The following JAKMIP2 variants were observed in gnomAD, a reference collection of about 807,000 sequenced individuals.
JAKMIP2 encodes janus kinase and microtubule interacting protein 2.
In JAKMIP2, 25 loss-of-function variants were observed where a neutral mutation model predicts 115.0. That is an observed-to-expected ratio of 0.22 (90% CI 0.16 to 0.30). JAKMIP2 has a LOEUF of 0.30. Among genes scored for constraint, JAKMIP2 ranks in the 10% least tolerant of loss-of-function variants. JAKMIP2 has a pLI of 1.00. For missense variants in JAKMIP2, 642 were observed against 957.6 expected, an observed-to-expected ratio of 0.67 and a Z score of 4.35; for synonymous variants, 334 against 343.6, an observed-to-expected ratio of 0.97 and a Z score of 0.31.
intron 2 of JAKMIP2, among the ~76,000 whole-genome samples, chr5:147,670,099 G>T (rs1161619459): frequency 2.0e-5 from 3 of 152,154 alleles, no homozygotes; most frequent in African/African-American, 7.2e-5. Context: ...ATGACATCAT[G>T]TTCCCTTTGG....
At chr5:147,770,701 G>A (rs1338441227) in intron 1 of JAKMIP2, among the ~76,000 whole-genome samples, 1 of 151,910 alleles carries the variant, frequency 6.6e-6, no homozygotes, top group Non-Finnish European at 1.5e-5. Flanking sequence ...GGATCTGGAG[G>A]AAAAGAAAAT....
intron 1 of JAKMIP2, among the ~76,000 whole-genome samples, chr5:147,691,799 G>A (rs1413900778): frequency 2.6e-5 from 4 of 151,990 alleles, no homozygotes; most frequent in Non-Finnish European, 4.4e-5. Context: ...TCATGGGAGG[G>A]GAGTCTGTGC....
chr5:147,671,551 G>A, intron 2 of JAKMIP2, 127 bp downstream of exon 2: 1 of 629,106 alleles, frequency 1.6e-6, no homozygotes, highest in Non-Finnish European at 2.4e-6. Context: ...GTTTACAGGG[G>A]ACGTTGCCCT....
At position 147,702,654 on chromosome 5, in the gene JAKMIP2, AAGAAAGAAAGAGAG is replaced by A. The variant is rs1159191560; in HGVS notation, c.-148-30714_-148-30701del. Among the ~76,000 whole-genome samples, 661 of 102,690 alleles carry A rather than the reference AAGAAAGAAAGAGAG, an allele frequency of 6.4e-3. 20 individuals carry two copies. The highest frequency in any genetic ancestry group is 0.011 in the African/African-American group (249 of 23,060). 67.4% of individuals were successfully genotyped at this position (102,690 alleles called of 152,430 possible). On this transcript the variant is annotated intron_variant, in intron 1 of 21. Transcript: ENST00000616793. ...AAAGAAAGAAAGAAAGAAAGAAAGA[AAGAAAGAAAGAGAG>A]AGAAAGAAAGAGAAAGAAAGAAAAG...
In JAKMIP2 at chr5:147,591,375, G is replaced by T; in HGVS notation, c.*332C>A. The stretch of plus-strand genomic sequence containing the variant: ...GGTTCCATGCCCAAGACACATCTTT[G>T]CTTGATCTGCAGAAACTAGTTCCAT... On this transcript the variant is annotated 3_prime_UTR_variant, in exon 22 of 22. Transcript: ENST00000616793. 2.8e-6 allele frequency: 1 copy of T among 356,936 alleles called. No homozygotes were observed. 22.1% of individuals were successfully genotyped at this position (356,936 alleles called of 1,614,324 possible). A position where few individuals can be genotyped will look rare whatever the true frequency, so the allele number is the denominator to read the frequency against.
At chr5:147,694,303 C>T (rs1280674480) in intron 1 of JAKMIP2, among the ~76,000 whole-genome samples, 13 of 152,088 alleles carry the variant, frequency 8.5e-5, no homozygotes, top group South Asian at 2.1e-4. Flanking sequence ...CAGCAGCTTG[C>T]GCTCTTTTTG....
chr5:147,643,505 C>A (rs963644477), intron 7 of JAKMIP2, among the ~76,000 whole-genome samples: 2 of 152,150 alleles, frequency 1.3e-5, no homozygotes, highest in African/African-American at 4.8e-5. Flanking sequence ...AAACCTCAGC[C>A]AAACTCTGAT....
intron 1 of JAKMIP2, among the ~76,000 whole-genome samples, chr5:147,771,692 A>G (rs985475122): frequency 6.6e-6 from 1 of 152,054 alleles, no homozygotes; most frequent in South Asian, 2.1e-4. Flanking sequence ...ACAAATAAAG[A>G]CTTGGACAGG....
chr5:147,610,437 C>G (rs1001815389), intron 20 of JAKMIP2, among the ~76,000 whole-genome samples: 1 of 152,188 alleles, frequency 6.6e-6, no homozygotes, highest in Non-Finnish European at 1.5e-5. Flanking sequence ...AACAGTCAGG[C>G]CCCTCTGCTG....
chr5:147,606,997 T>C (rs182726889), intron 20 of JAKMIP2, among the ~76,000 whole-genome samples: 3 of 152,204 alleles, frequency 2.0e-5, no homozygotes, highest in Non-Finnish European at 4.4e-5. Flanking sequence ...TGTATAGGAA[T>C]GCTTGTGATT....
rs577806349 is a variant in JAKMIP2, at chr5:147,668,863, C to T, written c.129+2815G>A. ...TGGGACTCTGGCAGGATGAAATGTG[C>T]TTATCAGCCCATGACAGATAGTAAA... is the stretch of plus-strand genomic sequence containing the variant. On this transcript the variant is annotated intron_variant, in intron 2 of 21. Coordinates refer to ENST00000616793, the MANE Select transcript of JAKMIP2 (RefSeq NM_001270941.2). Among the ~76,000 whole-genome samples, 319 of 152,318 alleles carry T rather than the reference C, an allele frequency of 2.1e-3. 2 individuals are homozygous for T. The highest frequency in any genetic ancestry group is 7.2e-3 in the African/African-American group (299 of 41,586).
intron 8 of JAKMIP2, among the ~76,000 whole-genome samples, 156 bp downstream of exon 8, chr5:147,641,552 A>C (rs1434109323): frequency 6.6e-6 from 1 of 152,194 alleles, no homozygotes; most frequent in Non-Finnish European, 1.5e-5. Flanking sequence ...AAGAAATGTC[A>C]ACAGAAAATA....
intron 21 of JAKMIP2, among the ~76,000 whole-genome samples, chr5:147,595,718 C>A (rs1260397160): frequency 6.6e-6 from 1 of 152,082 alleles, no homozygotes; most frequent in Non-Finnish European, 1.5e-5. Context: ...GTTGTACTCT[C>A]CTTCCTTATT....
chr5:147,760,555 A>G (rs544015390), intron 1 of JAKMIP2, among the ~76,000 whole-genome samples: 19 of 152,108 alleles, frequency 1.2e-4, no homozygotes, highest in Non-Finnish European at 1.6e-4. Context: ...GCATCAAGGG[A>G]CATAGTTTGT....
At position 147,661,290 on chromosome 5, in the gene JAKMIP2, C is replaced by A; in HGVS notation, c.285G>T (p.Gln95His). The change falls in exon 3 of 22, where the codon CAG becomes CAT. Residue 95 changes from glutamine to histidine, a missense_variant. Coordinates refer to ENST00000616793, the MANE Select transcript of JAKMIP2 (RefSeq NM_001270941.2). The part of the protein sequence containing the change: ...LQAVRENLIK[Q>H]HEQEMSRTVK... The stretch of plus-strand genomic sequence containing the variant: ...CCGTCCTTGACATTTCCTGCTCGTG[C>A]TGCTTGATAAGGTTCTCCCTCACAG... 6.2e-7 allele frequency: 1 copy of A among 1,613,938 alleles called. No individual in the cohort carries two copies. The highest frequency in any genetic ancestry group is 8.5e-7 in the Non-Finnish European group (1 of 1,180,010).
intron 21 of JAKMIP2, among the ~76,000 whole-genome samples, chr5:147,595,804 G>C (rs1755355212): frequency 6.6e-6 from 1 of 152,014 alleles, no homozygotes; most frequent in South Asian, 2.1e-4. Flanking sequence ...TTATGTGCTA[G>C]GTATTTGGTA....
intron 1 of JAKMIP2, among the ~76,000 whole-genome samples, chr5:147,739,985 G>C (rs531527035): frequency 2.6e-5 from 4 of 152,130 alleles, no homozygotes; most frequent in Non-Finnish European, 4.4e-5. Context: ...AAAGGGTTTT[G>C]GTTCATGTTC....
intron 4 of JAKMIP2, 54 bp downstream of exon 4, chr5:147,650,284 G>A (rs1720117364): frequency 2.7e-6 from 3 of 1,110,338 alleles, no homozygotes; most frequent in Non-Finnish European, 4.2e-6. Context: ...TAAAACTTGG[G>A]AGCTAAATAA....
rs1011024941 is a variant in JAKMIP2 at position 147,589,007 on chromosome 5, T to G, written c.*2700A>C. 2 of 152,104 alleles carry G rather than the reference T, an allele frequency of 1.3e-5. No homozygotes were observed. The highest frequency in any genetic ancestry group is 4.8e-5 in the African/African-American group (2 of 41,438). The allele number at this position is 152,104 out of a possible 1,614,324, so 9.4% of individuals were successfully genotyped here. ...GAAAAATGGAAAAGTCTTAGATATG[T>G]GAGAGTAATTTATCCTCTTCCATAT... On this transcript the variant is annotated 3_prime_UTR_variant, in exon 22 of 22. Coordinates refer to ENST00000616793, the MANE Select transcript of JAKMIP2 (RefSeq NM_001270941.2).
Sources: gnomAD v4.1 joint callset for allele counts (sites outside exome capture counted in the v4.1 genomes callset) on GRCh38, gnomAD v4.1.1 for gene constraint, MANE v1.5 for transcripts, NCBI Gene and HGNC (gene_info 2026-07-23, HGNC 2026-07-21) for gene names.